TRAPPC9: variants seen among roughly 807,000 people sequenced by gnomAD.
TRAPPC9 encodes IKK2 binding protein.
A neutral mutation model predicts 124.0 loss-of-function variants in TRAPPC9; 83 were observed. The observed-to-expected ratio is 0.67, with a 90% CI of 0.56 to 0.80. The LOEUF is 0.80. Ranked by LOEUF, TRAPPC9 falls within the 30% of genes least tolerant of loss-of-function variation. The probability of loss-of-function intolerance (pLI) is 0.00; values close to 1 mark genes in which losing one functional copy is unlikely to be tolerated. For synonymous variants in TRAPPC9, 638 were observed against 617.5 expected, an observed-to-expected ratio of 1.03 and a Z score of -0.49; for missense variants, 1,302 against 1,508.3, an observed-to-expected ratio of 0.86 and a Z score of 2.27.
intron 17 of TRAPPC9, among the ~76,000 whole-genome samples, chr8:140,144,553 A>G (rs1587801646): frequency 6.6e-6 from 1 of 152,158 alleles, no homozygotes; most frequent in South Asian, 2.1e-4. Flanking sequence ...CAGCAGTGCA[A>G]TCTCAGCTCA....
At chr8:140,021,612 G>C (rs985102540) in intron 18 of TRAPPC9, among the ~76,000 whole-genome samples, 3 of 152,124 alleles carry the variant, frequency 2.0e-5, no homozygotes, top group Non-Finnish European at 4.4e-5. Flanking sequence ...GCTTATATCA[G>C]GGTAGTAAAA....
chr8:140,232,452 G>A (rs1435619451), intron 16 of TRAPPC9, among the ~76,000 whole-genome samples: 4 of 152,062 alleles, frequency 2.6e-5, no homozygotes, highest in Admixed American at 6.6e-5. Context: ...ACCCTAGCCC[G>A]GAGCAGAGTC....
intron 15 of TRAPPC9, among the ~76,000 whole-genome samples, chr8:140,253,859 A>G (rs909783397): frequency 2.0e-5 from 3 of 152,178 alleles, no homozygotes; most frequent in Non-Finnish European, 4.4e-5. Context: ...CTCGAGTGCC[A>G]TGGAGAATAA....
At chr8:140,410,069 A>T (rs918221402) in intron 5 of TRAPPC9, among the ~76,000 whole-genome samples, 10 of 144,610 alleles carry the variant, frequency 6.9e-5, no homozygotes, top group Admixed American at 5.8e-4. Flanking sequence ...TGAGCCCAGA[A>T]GGCCAAGGCT....
intron 7 of TRAPPC9, among the ~76,000 whole-genome samples, chr8:140,382,000 G>A (rs553391255): frequency 6.6e-6 from 1 of 152,302 alleles, no homozygotes; most frequent in Non-Finnish European, 1.5e-5. Flanking sequence ...ACAAAACTTT[G>A]TTCCCACAAA....
intron 21 of TRAPPC9, among the ~76,000 whole-genome samples, chr8:139,860,662 C>T (rs964038967): frequency 1.3e-5 from 2 of 152,262 alleles, no homozygotes; most frequent in Non-Finnish European, 2.9e-5. Flanking sequence ...CTCCTGCACC[C>T]CAGTTCCTGG....
chr8:140,395,274 G>A (rs1166462360), intron 7 of TRAPPC9, among the ~76,000 whole-genome samples: 5 of 152,058 alleles, frequency 3.3e-5, no homozygotes, highest in Non-Finnish European at 5.9e-5. Context: ...TGTTCTGGTC[G>A]CTCCCTTTGG....
chr8:140,083,635 G>C (rs192147458), intron 17 of TRAPPC9, among the ~76,000 whole-genome samples: 52 of 150,802 alleles, frequency 3.4e-4, no homozygotes, highest in African/African-American at 1.2e-3. Flanking sequence ...ACCCACAGAA[G>C]GGTTTGGTGT....
intron 21 of TRAPPC9, among the ~76,000 whole-genome samples, chr8:139,869,027 G>C (rs745699783): frequency 2.6e-5 from 4 of 152,042 alleles, no homozygotes; most frequent in African/African-American, 4.8e-5. Context: ...AGAAAAAGCA[G>C]ATCACAAAAG....
chr8:140,039,737 C>T (rs912082035), intron 17 of TRAPPC9: 4 of 152,214 alleles, frequency 2.6e-5, no homozygotes, highest in Admixed American at 2.0e-4. Context: ...ATGGTGCTAG[C>T]GATATCCCTA....
intron 17 of TRAPPC9, among the ~76,000 whole-genome samples, chr8:140,092,660 C>A (rs932554217): frequency 6.6e-6 from 1 of 152,188 alleles, no homozygotes; most frequent in African/African-American, 2.4e-5. Flanking sequence ...ATATCCCACC[C>A]CAATAAGACC....
intron 20 of TRAPPC9, among the ~76,000 whole-genome samples, chr8:139,893,189 C>T (rs1441488751): frequency 1.3e-5 from 2 of 152,214 alleles, no homozygotes; most frequent in African/African-American, 4.8e-5. Context: ...TGTGGAGCTT[C>T]AGGGGCTCCA....
intron 1 of TRAPPC9, among the ~76,000 whole-genome samples, chr8:140,454,466 C>T (rs2071579124): frequency 6.6e-6 from 1 of 151,536 alleles, no homozygotes; most frequent in Non-Finnish European, 1.5e-5. Flanking sequence ...TGGAGAAACC[C>T]GGTCTCTAAT....
chr8:139,792,415 CGT>C (rs1442977507), intron 21 of TRAPPC9, among the ~76,000 whole-genome samples: 8 of 152,198 alleles, frequency 5.3e-5, no homozygotes, highest in African/African-American at 1.7e-4. Flanking sequence ...CGCGTGTGCG[CGT>C]GTGTGCGTGG....
chr8:140,311,244 T>C lies in TRAPPC9; in HGVS notation c.1622+4A>G. ...CCTTTCCGGCTCTGCAGTGCCCATC[T>C]CACCTGACGATGGGAAGCTTGGTGA... On this transcript the variant is annotated splice_donor_region_variant and intron_variant, in intron 10 of 22. Transcript: ENST00000438773. 1 of 1,610,216 alleles carries C rather than the reference T, an allele frequency of 6.2e-7. No individual in the cohort carries two copies.
rs1828083882 is a variant in TRAPPC9 at position 139,860,778 on chromosome 8, G to C, written c.3055+25101C>G. Among the ~76,000 whole-genome samples the C allele has an allele frequency of 2.0e-5, 3 of 152,246 alleles. No homozygotes were observed. In the South Asian group the frequency reaches 6.2e-4, roughly 31 times the overall value. ...GTCGCCGTCCGTGGGCCCTCACATG[G>C]AGGGCAGCCTCTCTCCCAGGTTCCT... On this transcript the variant is annotated intron_variant, in intron 21 of 22. Transcript: ENST00000438773.
intron 12 of TRAPPC9, among the ~76,000 whole-genome samples, chr8:140,290,493 T>C (rs2065620388): frequency 6.6e-6 from 1 of 152,142 alleles, no homozygotes; most frequent in African/African-American, 2.4e-5. Flanking sequence ...AACTGAATTT[T>C]TCACACCCTA....
chr8:140,287,516 G>A, intron 13 of TRAPPC9, 92 bp downstream of exon 13: 1 of 1,532,336 alleles, frequency 6.5e-7, no homozygotes, highest in South Asian at 1.1e-5. Context: ...GTTAGGACTG[G>A]CATGACGGGC....
chr8:140,113,720 G>A (rs1156689077), intron 17 of TRAPPC9, among the ~76,000 whole-genome samples: 2 of 152,142 alleles, frequency 1.3e-5, no homozygotes, highest in African/African-American at 2.4e-5. Flanking sequence ...AGTTTTGGGG[G>A]ATAAGTTCAA....
Sources: allele counts gnomAD v4.1 joint callset (sites outside exome capture counted in the v4.1 genomes callset), GRCh38; gene constraint gnomAD v4.1.1; transcripts MANE v1.5; gene names NCBI Gene and HGNC (gene_info 2026-07-23, HGNC 2026-07-21).